The following METTL15 variants were observed in gnomAD, a reference collection of about 807,000 sequenced individuals.
METTL15 encodes the protein 12S rRNA N(4)-cytidine methyltransferase METTL15.
A neutral mutation model predicts 38.3 loss-of-function variants in METTL15; 34 were observed. The ratio of observed to expected loss-of-function variants is 0.89; its 90% CI spans 0.68 to 1.18. The LOEUF is 1.18. METTL15 is among the 50% of genes most tolerant of loss of function. The pLI is 0.00. For synonymous variants in METTL15, 162 were observed against 170.9 expected (o/e 0.95, Z 0.41); for missense variants, 438 against 498.4 (o/e 0.88, Z 1.15).
chr11:28,435,147 C>T (rs188159503), intron 6 of METTL15, among the ~76,000 whole-genome samples: 112 of 152,302 alleles, frequency 7.4e-4, no homozygotes, highest in East Asian at 5.4e-3. Flanking sequence ...GAAATACATT[C>T]CTCCTTTCCC....
chr11:28,315,564 A>G (rs548624205), intron 6 of METTL15, among the ~76,000 whole-genome samples: 89 of 152,350 alleles, frequency 5.8e-4, no homozygotes, highest in African/African-American at 2.0e-3. Flanking sequence ...CTGAGGAGAA[A>G]TCCAAGCTGA....
intron 3 of METTL15, among the ~76,000 whole-genome samples, chr11:28,342,318 C>T (rs1019217057): frequency 1.3e-5 from 2 of 152,036 alleles, no homozygotes; most frequent in Non-Finnish European, 2.9e-5. Flanking sequence ...CACTGGAGTG[C>T]ACAGATGTGA....
At chr11:28,184,779 G>A (rs1248836780) in intron 3 of METTL15, among the ~76,000 whole-genome samples, 3 of 151,550 alleles carry the variant, frequency 2.0e-5, no homozygotes, top group African/African-American at 7.2e-5. Flanking sequence ...AAAGGAAAAT[G>A]TTAAATAATA....
chr11:28,164,532 A>T (rs60394146), intron 3 of METTL15, among the ~76,000 whole-genome samples: 1 of 152,036 alleles, frequency 6.6e-6, no homozygotes, highest in South Asian at 2.1e-4. Context: ...TCAATTTTTT[A>T]AAAAAGTGTT....
intron 5 of METTL15, among the ~76,000 whole-genome samples, chr11:28,363,770 A>G (rs1368895147): frequency 6.6e-6 from 1 of 152,212 alleles, no homozygotes; most frequent in African/African-American, 2.4e-5. Flanking sequence ...GCCAATGTCA[A>G]GAAGTATATT....
intron 4 of METTL15, among the ~76,000 whole-genome samples, chr11:28,232,322 GC>G (rs1007558282): frequency 4.6e-5 from 7 of 151,790 alleles, no homozygotes; most frequent in African/African-American, 1.4e-4. Context: ...GCAGTCCTGT[GC>G]CAAGGGAATC....
chr11:28,407,860 A>T (rs1342763798), intron 5 of METTL15, among the ~76,000 whole-genome samples: 1 of 152,148 alleles, frequency 6.6e-6, no homozygotes, highest in Non-Finnish European at 1.5e-5. Flanking sequence ...TGCATGCATA[A>T]GTTCACTGCA....
chr11:28,140,167 A>G (rs1849651863), intron 3 of METTL15, among the ~76,000 whole-genome samples: 1 of 152,214 alleles, frequency 6.6e-6, no homozygotes, highest in East Asian at 1.9e-4. Flanking sequence ...CTCTAAGAAC[A>G]GATGGAAATC....
intron 5 of METTL15, among the ~76,000 whole-genome samples, chr11:28,378,752 T>A (rs911278735): frequency 3.4e-4 from 47 of 139,040 alleles, no homozygotes; most frequent in Non-Finnish European, 6.3e-4. Context: ...AAGTATTCCC[T>A]CCTCTTCAGT....
chr11:28,413,013 A>G (rs978770535), intron 5 of METTL15, among the ~76,000 whole-genome samples: 7 of 152,074 alleles, frequency 4.6e-5, no homozygotes, highest in African/African-American at 1.7e-4. Flanking sequence ...AAAATGTAAT[A>G]CATCCCATAA....
chr11:28,246,592 A>G (rs1192947136), intron 4 of METTL15, among the ~76,000 whole-genome samples: 1 of 152,134 alleles, frequency 6.6e-6, no homozygotes, highest in East Asian at 1.9e-4. Flanking sequence ...TGTAAGTGTT[A>G]CCTATTATGG....
At chr11:28,183,978 A>G (rs1389475943) in intron 3 of METTL15, among the ~76,000 whole-genome samples, 1 of 151,166 alleles carries the variant, frequency 6.6e-6, no homozygotes, top group Non-Finnish European at 1.5e-5. Flanking sequence ...TTCGTGTTTT[A>G]CTCTTGGGAG....
chr11:28,127,414 C>T (rs902968561), intron 3 of METTL15, among the ~76,000 whole-genome samples: 2 of 149,866 alleles, frequency 1.3e-5, no homozygotes, highest in Admixed American at 1.3e-4. Context: ...AGTCTGAGAT[C>T]AAGGTGCCCA....
At chr11:28,255,830 AGT>A (rs1050644176) in intron 4 of METTL15, among the ~76,000 whole-genome samples, 4 of 152,112 alleles carry the variant, frequency 2.6e-5, no homozygotes, top group Non-Finnish European at 5.9e-5. Flanking sequence ...TAGCCTCCCA[AGT>A]GTCTGGGATT....
At chr11:28,396,278 C>T (rs563643591) in intron 5 of METTL15, among the ~76,000 whole-genome samples, 32 of 152,186 alleles carry the variant, frequency 2.1e-4, no homozygotes, top group African/African-American at 7.7e-4. Context: ...AAAGCGTATT[C>T]AATTAGGAAA....
chr11:28,249,065 A>G (rs1854630971), intron 4 of METTL15, among the ~76,000 whole-genome samples: 2 of 151,982 alleles, frequency 1.3e-5, no homozygotes, highest in South Asian at 4.1e-4. Flanking sequence ...AAATCTTATA[A>G]TGCTTTATTA....
intron 5 of METTL15, among the ~76,000 whole-genome samples, chr11:28,372,185 G>C (rs148113885): frequency 2.0e-5 from 3 of 152,024 alleles, no homozygotes; most frequent in Admixed American, 6.6e-5. Context: ...TTACCATAAA[G>C]AGATGTTGAA....
At chr11:28,163,163 G>A (rs1850532079) in intron 3 of METTL15, among the ~76,000 whole-genome samples, 2 of 151,446 alleles carry the variant, frequency 1.3e-5, no homozygotes, top group Non-Finnish European at 3.0e-5. Context: ...TGAAAAAAGT[G>A]TGATTTGTAA....
intron 4 of METTL15, among the ~76,000 whole-genome samples, chr11:28,220,070 G>A (rs1242056090): frequency 1.3e-5 from 2 of 152,026 alleles, no homozygotes; most frequent in Non-Finnish European, 1.5e-5. Context: ...GTAGATGTCT[G>A]TTAGGTCCGC....
Sources: allele counts gnomAD v4.1 joint callset (sites outside exome capture counted in the v4.1 genomes callset), GRCh38; gene constraint gnomAD v4.1.1; transcripts MANE v1.5; gene names NCBI Gene and HGNC (gene_info 2026-07-23, HGNC 2026-07-21).